Variants in FSTL5 observed in about 807,000 individuals in gnomAD.
FSTL5 encodes follistatin like 5, also known as follistatin-related protein 5.
In FSTL5, 62 loss-of-function variants were observed where a neutral mutation model predicts 89.1. That is an observed-to-expected ratio of 0.70 (90% CI 0.57 to 0.86). FSTL5 has a LOEUF of 0.86. Among genes scored for constraint, FSTL5 ranks in the 40% least tolerant of loss-of-function variants. The probability of loss-of-function intolerance (pLI) is 0.00; values close to 1 mark genes in which losing one functional copy is unlikely to be tolerated. For missense variants in FSTL5, 1,057 were observed against 1,001.6 expected, an observed-to-expected ratio of 1.06 and a Z score of -0.75; for synonymous variants, 383 against 346.2, an observed-to-expected ratio of 1.11 and a Z score of -1.18.
At chr4:162,063,513 C>T (rs1413589379) in intron 2 of FSTL5, among the ~76,000 whole-genome samples, 1 of 151,680 alleles carries the variant, frequency 6.6e-6, no homozygotes, top group East Asian at 1.9e-4. Flanking sequence ...TCCATTCTTT[C>T]AAATCTTATA....
At position 161,419,010 on chromosome 4, in the gene FSTL5, TC is replaced by T. The variant is rs527838098; in HGVS notation, c.1842-32562del. Among the ~76,000 whole-genome samples the T allele has an allele frequency of 5.6e-4, 86 of 152,296 alleles. 2 individuals carry two copies. The South Asian group carries it at 0.017, about 29-fold the overall frequency. ...CACAGAGCTTTAATATAAGAGTCACTCATCATCTCATGCATTATTCCCAAAA... is the reference window on the plus strand; with the variant it reads ...CACAGAGCTTTAATATAAGAGTCACTATCATCTCATGCATTATTCCCAAAA... On this transcript the variant is annotated intron_variant, in intron 15 of 15. Coordinates refer to ENST00000306100, the MANE Select transcript of FSTL5 (RefSeq NM_020116.5).
At chr4:162,111,055 C>T (rs1201558867) in intron 2 of FSTL5, among the ~76,000 whole-genome samples, 2 of 151,880 alleles carry the variant, frequency 1.3e-5, no homozygotes, top group Non-Finnish European at 2.9e-5. Flanking sequence ...TTTTAATGGG[C>T]TATCTCTATT....
intron 2 of FSTL5, among the ~76,000 whole-genome samples, chr4:162,092,983 G>A (rs1208987792): frequency 1.3e-5 from 2 of 150,296 alleles, no homozygotes; most frequent in African/African-American, 2.4e-5. Flanking sequence ...AAAGATAGCC[G>A]AGGCTATGTC....
At chr4:161,502,390 A>T (rs1320952266) in intron 11 of FSTL5, among the ~76,000 whole-genome samples, 4 of 151,936 alleles carry the variant, frequency 2.6e-5, no homozygotes, top group Admixed American at 2.6e-4. Context: ...CGTTTTTACA[A>T]AGCATAAACT....
At position 161,862,599 on chromosome 4, in the gene FSTL5, G is replaced by C. The variant is rs941338847; in HGVS notation, c.409+57805C>G. Among the ~76,000 whole-genome samples the C allele has an allele frequency of 2.0e-5, 3 of 152,126 alleles. No individual in the cohort carries two copies. The East Asian group carries it at 5.8e-4, about 29-fold the overall frequency. ...AATACAAAATTAGCTGGGTGTGGTGGTGCGCACCTGTAGTCCCAGCTACTC... is the reference window on the plus strand; with the variant it reads ...AATACAAAATTAGCTGGGTGTGGTGCTGCGCACCTGTAGTCCCAGCTACTC... On this transcript the variant is annotated intron_variant, in intron 4 of 15. Transcript: ENST00000306100.
chr4:162,015,811 A>T (rs1736901056), intron 3 of FSTL5, among the ~76,000 whole-genome samples: 1 of 152,110 alleles, frequency 6.6e-6, no homozygotes, highest in African/African-American at 2.4e-5. Context: ...ATAAAATAGC[A>T]TGTCAGCTTT....
intron 4 of FSTL5, among the ~76,000 whole-genome samples, chr4:161,846,631 CA>C (rs1306384663): frequency 3.3e-5 from 5 of 152,066 alleles, no homozygotes; most frequent in African/African-American, 1.2e-4. Context: ...CTCATTGTTT[CA>C]TTTTTTTTCT....
intron 1 of FSTL5, among the ~76,000 whole-genome samples, chr4:162,125,307 T>C (rs1459790350): frequency 6.6e-6 from 1 of 152,144 alleles, no homozygotes; most frequent in African/African-American, 2.4e-5. Flanking sequence ...AAAAACTACC[T>C]TTGCAGTTTA....
At chr4:161,620,975 CAAGT>C (rs147615965) in intron 7 of FSTL5, among the ~76,000 whole-genome samples, 26,098 of 151,790 alleles carry the variant, frequency 0.17, 2,300 homozygotes, top group Middle Eastern at 0.32. Flanking sequence ...TAGAATAACA[CAAGT>C]AATAGAGGAA....
intron 4 of FSTL5, among the ~76,000 whole-genome samples, chr4:161,849,980 C>T (rs975787190): frequency 6.6e-6 from 1 of 152,024 alleles, no homozygotes; most frequent in African/African-American, 2.4e-5. Flanking sequence ...CAAATAAGTA[C>T]TTTTTTGTTC....
chr4:161,446,859 G>A (rs116467002), intron 15 of FSTL5, among the ~76,000 whole-genome samples: 1,945 of 152,016 alleles, frequency 0.013, 32 homozygotes, highest in South Asian at 0.04. Flanking sequence ...ATGAGGAAAC[G>A]GAGTAATCTC....
chr4:161,644,138 C>T (rs138337144), intron 7 of FSTL5, among the ~76,000 whole-genome samples: 107 of 151,552 alleles, frequency 7.1e-4, no homozygotes, highest in Middle Eastern at 3.5e-3. Context: ...GCACAAGAGG[C>T]GTTTGTTTAC....
At chr4:162,019,892 A>G (rs1737023020) in intron 3 of FSTL5, among the ~76,000 whole-genome samples, 1 of 149,708 alleles carries the variant, frequency 6.7e-6, no homozygotes, top group Non-Finnish European at 1.5e-5. Flanking sequence ...TTATTTTTAT[A>G]ATATTTTTAC....
chr4:161,977,803 C>T (rs186717924), intron 3 of FSTL5, among the ~76,000 whole-genome samples: 2 of 151,904 alleles, frequency 1.3e-5, no homozygotes, highest in Admixed American at 1.3e-4. Flanking sequence ...TAATCAGCCA[C>T]AATTCACCAA....
chr4:161,773,637 C>G (rs943453606), intron 5 of FSTL5, among the ~76,000 whole-genome samples: 1 of 152,048 alleles, frequency 6.6e-6, no homozygotes, highest in African/African-American at 2.4e-5. Context: ...TCAAAATCAC[C>G]ATGTGATACC....
intron 3 of FSTL5, among the ~76,000 whole-genome samples, chr4:161,945,151 C>A (rs1338510303): frequency 6.6e-6 from 1 of 152,016 alleles, no homozygotes; most frequent in African/African-American, 2.4e-5. Context: ...GGCTATCAGC[C>A]ACAAAAAAGG....
intron 4 of FSTL5, among the ~76,000 whole-genome samples, chr4:161,802,762 GA>G (rs1038726286): frequency 6.6e-6 from 1 of 151,586 alleles, no homozygotes; most frequent in African/African-American, 2.4e-5. Flanking sequence ...TAACAAGATT[GA>G]AAAAAATTAC....
At chr4:161,533,300 A>G (rs2126533231) in intron 10 of FSTL5, among the ~76,000 whole-genome samples, 1 of 151,794 alleles carries the variant, frequency 6.6e-6, no homozygotes, top group South Asian at 2.1e-4. Context: ...GTTTTTTAAA[A>G]GAATAAAAAC....
At chr4:161,843,733 C>A (rs553925593) in intron 4 of FSTL5, among the ~76,000 whole-genome samples, 2 of 152,186 alleles carry the variant, frequency 1.3e-5, no homozygotes, top group South Asian at 4.1e-4. Flanking sequence ...GGAAAACTGG[C>A]TAGCCATGTG....
Sources: gnomAD v4.1 joint callset for allele counts (sites outside exome capture counted in the v4.1 genomes callset) on GRCh38, gnomAD v4.1.1 for gene constraint, MANE v1.5 for transcripts, NCBI Gene and HGNC (gene_info 2026-07-23, HGNC 2026-07-21) for gene names.